The following C8orf34 variants were observed in gnomAD, a reference collection of about 807,000 sequenced individuals.
The protein encoded by C8orf34 is uncharacterized protein C8orf34.
In C8orf34, 65 loss-of-function variants were observed where a neutral mutation model predicts 68.3. That is an observed-to-expected ratio of 0.95 (90% CI 0.78 to 1.17). The LOEUF (loss-of-function observed/expected upper bound fraction) is 1.17. Ranked by LOEUF, C8orf34 falls within the 50% of genes most tolerant of loss-of-function variation. The pLI, the probability that C8orf34 is intolerant of heterozygous loss-of-function variation, is 0.00. For synonymous variants in C8orf34, 244 were observed against 241.2 expected (o/e 1.01, Z -0.11); for missense variants, 664 against 655.4 (o/e 1.01, Z -0.14).
intron 7 of C8orf34, among the ~76,000 whole-genome samples, chr8:68,613,257 A>T (rs1035916604): frequency 6.6e-6 from 1 of 151,874 alleles, no homozygotes; most frequent in Non-Finnish European, 1.5e-5. Context: ...TGTGGAGAAG[A>T]CTTTTATAAT....
intron 5 of C8orf34, among the ~76,000 whole-genome samples, chr8:68,489,365 C>T (rs1813213083): frequency 6.6e-6 from 1 of 152,142 alleles, no homozygotes; most frequent in Non-Finnish European, 1.5e-5. Flanking sequence ...AAGTATTGTA[C>T]AGGTTGCATA....
intron 5 of C8orf34, among the ~76,000 whole-genome samples, chr8:68,499,074 C>G (rs1813653911): frequency 6.6e-6 from 1 of 152,326 alleles, no homozygotes; most frequent in East Asian, 1.9e-4. Context: ...CCTTGCCCCT[C>G]TCTTTCTCTC....
chr8:68,565,926 G>A (rs1180480989), intron 7 of C8orf34, among the ~76,000 whole-genome samples: 3 of 152,114 alleles, frequency 2.0e-5, no homozygotes, highest in South Asian at 2.1e-4. Flanking sequence ...AACAGGAATC[G>A]CTTGAAGGAA....
chr8:68,488,998 A>T (rs7836990), intron 5 of C8orf34, among the ~76,000 whole-genome samples: 62,690 of 145,610 alleles, frequency 0.43, 13,154 homozygotes, highest in African/African-American at 0.5. Context: ...GTTTTTTTTT[A>T]AAATAGCAGT....
intron 8 of C8orf34, among the ~76,000 whole-genome samples, chr8:68,676,328 T>G (rs1245514198): frequency 3.3e-5 from 5 of 150,708 alleles, no homozygotes; most frequent in African/African-American, 1.2e-4. Flanking sequence ...AGTGAGACCC[T>G]CTCCAAAAAG....
intron 10 of C8orf34, among the ~76,000 whole-genome samples, chr8:68,753,313 G>A (rs1822758256): frequency 6.6e-6 from 1 of 151,738 alleles, no homozygotes; most frequent in Admixed American, 6.6e-5. Context: ...TTGCTAACAT[G>A]GCCCCTCTCA....
At chr8:68,394,357 C>T (rs1293485018) in intron 1 of C8orf34, among the ~76,000 whole-genome samples, 8 of 150,290 alleles carry the variant, frequency 5.3e-5, no homozygotes, top group Non-Finnish European at 1.2e-4. Flanking sequence ...TTTGTTCTTG[C>T]GATAGTTTAC....
At chr8:68,743,855 C>T (rs903258477) in intron 10 of C8orf34, among the ~76,000 whole-genome samples, 88 of 151,734 alleles carry the variant, frequency 5.8e-4, no homozygotes, top group African/African-American at 1.7e-3. Context: ...AAAGCAGCCC[C>T]GGAGCTGGAA....
intron 7 of C8orf34, among the ~76,000 whole-genome samples, chr8:68,561,619 G>A (rs779055440): frequency 3.9e-5 from 6 of 152,000 alleles, no homozygotes; most frequent in Admixed American, 6.6e-5. Context: ...TTAGCTGGAC[G>A]TGGTGGCAGA....
At chr8:68,482,176 G>C (rs1812886963) in intron 4 of C8orf34, among the ~76,000 whole-genome samples, 1 of 152,176 alleles carries the variant, frequency 6.6e-6, no homozygotes, top group South Asian at 2.1e-4. Flanking sequence ...AGGAGTTTCT[G>C]TTTTTGCTTC....
chr8:68,797,920 T>A (rs943564219), intron 12 of C8orf34, among the ~76,000 whole-genome samples: 3 of 152,032 alleles, frequency 2.0e-5, no homozygotes, highest in African/African-American at 7.3e-5. Flanking sequence ...AGCTAGGGTA[T>A]CTCACACAAC....
chr8:68,525,428 A>T (rs573353271), intron 6 of C8orf34: 3 of 421,552 alleles, frequency 7.1e-6, no homozygotes, highest in African/African-American at 4.1e-5. Flanking sequence ...TAAATTTCTT[A>T]ATTTCTTTTT....
chr8:68,790,938 G>A (rs1373389935), intron 12 of C8orf34: 1 of 670,716 alleles, frequency 1.5e-6, no homozygotes, highest in East Asian at 2.7e-5. Context: ...AGAGGGTTAT[G>A]TTTTCTGAAT....
chr8:68,587,198 C>A (rs1817235303), intron 7 of C8orf34, among the ~76,000 whole-genome samples: 1 of 152,116 alleles, frequency 6.6e-6, no homozygotes, highest in African/African-American at 2.4e-5. Flanking sequence ...CTCCAGTAAT[C>A]TATCATAGGA....
intron 3 of C8orf34, among the ~76,000 whole-genome samples, chr8:68,460,495 G>A (rs2129628821): frequency 6.6e-6 from 1 of 152,306 alleles, no homozygotes; most frequent in South Asian, 2.1e-4. Flanking sequence ...CTCCTCAAGT[G>A]GGTCCCTGAC....
intron 8 of C8orf34, among the ~76,000 whole-genome samples, chr8:68,699,579 G>A (rs1011253318): frequency 2.6e-5 from 4 of 152,014 alleles, no homozygotes; most frequent in African/African-American, 9.7e-5. Flanking sequence ...ATATCTGCCT[G>A]GAAAATCTGG....
At position 68,815,558 on chromosome 8, in the gene C8orf34, G is replaced by A. The variant is rs180722535; in HGVS notation, c.1550-328G>A. Among the ~76,000 whole-genome samples, 54 of 152,192 alleles carry A rather than the reference G, an allele frequency of 3.5e-4. No homozygotes were observed. The East Asian group carries it at 7.9e-3, about 22-fold the overall frequency. ...GGCTTTCCTGCCTAATCCACCTTGG[G>A]CATCACAATTATGACTGCAATTCAT... is the stretch of plus-strand genomic sequence containing the variant. On this transcript the variant is annotated intron_variant, in intron 12 of 13. Coordinates refer to ENST00000518698, the MANE Select transcript of C8orf34 (RefSeq NM_052958.4).
intron 1 of C8orf34, among the ~76,000 whole-genome samples, chr8:68,359,066 C>T (rs1394983700): frequency 6.6e-6 from 1 of 151,920 alleles, no homozygotes; most frequent in Non-Finnish European, 1.5e-5. Context: ...ATTTCTCTTA[C>T]CAAACATTAA....
rs147758872 is a variant in C8orf34, at chr8:68,423,932, C to T, written c.328-15567C>T. The stretch of plus-strand genomic sequence containing the variant: ...ATCATGTGAAACTCATTCAGTATCA[C>T]AAGAATAGCAGGGAGGAAACTGCCC... On this transcript the variant is annotated intron_variant, in intron 1 of 13. Coordinates refer to ENST00000518698, the MANE Select transcript of C8orf34 (RefSeq NM_052958.4). Among the ~76,000 whole-genome samples the T allele has an allele frequency of 1.1e-3, 171 of 152,216 alleles. 3 individuals carry two copies. In the East Asian group the frequency reaches 0.029, roughly 26 times the overall value.
Sources: allele counts gnomAD v4.1 joint callset (sites outside exome capture counted in the v4.1 genomes callset), GRCh38; gene constraint gnomAD v4.1.1; transcripts MANE v1.5; gene names NCBI Gene and HGNC (gene_info 2026-07-23, HGNC 2026-07-21).